Variants in RARRES1 observed in about 807,000 individuals in gnomAD.
The protein encoded by RARRES1 is retinoic acid receptor responder 1.
A neutral mutation model predicts 30.6 loss-of-function variants in RARRES1; 34 were observed. That is an observed-to-expected ratio of 1.11 (90% CI 0.84 to 1.48). The LOEUF (loss-of-function observed/expected upper bound fraction) is 1.48, where lower values mean the gene tolerates loss of function less well. Among genes scored for constraint, RARRES1 ranks in the 40% most tolerant of loss-of-function variants. The pLI, the probability that RARRES1 is intolerant of heterozygous loss-of-function variation, is 0.00. For missense variants in RARRES1, 373 were observed against 386.5 expected (o/e 0.97, Z 0.29); for synonymous variants, 153 against 155.5 (o/e 0.98, Z 0.12).
rs777051535 is a variant in RARRES1, at chr3:158,723,436, GTATAT to G, written c.276+8699_276+8703del. Reference sequence around the variant, plus strand: ...TATGTTCCAGATGGAGACAGCATCAGTATATTATATTATACCCTGGAATCATTTTA... The same window carrying G: ...TATGTTCCAGATGGAGACAGCATCAGTATATTATACCCTGGAATCATTTTA... On this transcript the variant is annotated intron_variant, in intron 1 of 5. Coordinates refer to ENST00000237696, the MANE Select transcript of RARRES1 (RefSeq NM_206963.2). The surrounding 1 kb of genome is among the most constrained non-coding windows in gnomAD (Gnocchi z 4.4). Among the ~76,000 whole-genome samples the G allele has an allele frequency of 7.2e-5, 11 of 152,212 alleles. No individual in the cohort carries two copies. The highest frequency in any genetic ancestry group is 1.3e-4 in the Non-Finnish European group (9 of 68,040).
chr3:158,713,725 A>T (rs539146507), intron 2 of RARRES1, 72 bp downstream of exon 2: 18 of 1,407,552 alleles, frequency 1.3e-5, no homozygotes, highest in Middle Eastern at 1.8e-4. Flanking sequence ...ATATATTAAG[A>T]TTCTCACTTT....
chr3:158,707,836 C>T (rs1311194911), intron 3 of RARRES1, among the ~76,000 whole-genome samples: 1 of 152,222 alleles, frequency 6.6e-6, no homozygotes, highest in Non-Finnish European at 1.5e-5. Flanking sequence ...CCTTATGTGA[C>T]ATGTATAAGT....
chr3:158,730,602 T>G (rs1727852088), intron 1 of RARRES1, among the ~76,000 whole-genome samples: 1 of 151,268 alleles, frequency 6.6e-6, no homozygotes, highest in Non-Finnish European at 1.5e-5. Context: ...TCGGCTAATT[T>G]TTTTTTAATT....
Position 158,697,766 on chromosome 3 carries a change from TACTTC to T in RARRES1, c.792_796del (p.Lys265ProfsTer15). Reference sequence around the variant, plus strand: ...TGGTGTCTGTAGCTCTTGACAGTGGTACTTCACTTTAAGAGGTTTGCCAGGGTACC... The same window carrying T: ...TGGTGTCTGTAGCTCTTGACAGTGGTACTTTAAGAGGTTTGCCAGGGTACC... On this transcript the variant is annotated frameshift_variant, in exon 6 of 6. Transcript: ENST00000237696. LOFTEE classifies it high-confidence loss of function. The T allele has an allele frequency of 6.2e-7, 1 of 1,610,424 alleles. No individual in the cohort carries two copies. Among genetic ancestry groups the T allele is most frequent in the Non-Finnish European group, 8.5e-7 (1 of 1,176,604 alleles).
chr3:158,710,098 A>G (rs1727061661), intron 3 of RARRES1, among the ~76,000 whole-genome samples: 1 of 152,270 alleles, frequency 6.6e-6, no homozygotes, highest in Non-Finnish European at 1.5e-5. Context: ...CCTGGACTCA[A>G]CCCTGAAAAC....
rs1193927365 is a variant in RARRES1, at chr3:158,732,375, C to G, written c.41G>C (p.Gly14Ala). 1 of 1,492,812 alleles carries G rather than the reference C, an allele frequency of 6.7e-7. No homozygotes were observed. Among genetic ancestry groups the G allele is most frequent in the African/African-American group, 1.5e-5 (1 of 68,474 alleles). The allele number at this position is 1,492,812 out of a possible 1,614,324, so 92.5% of individuals were successfully genotyped here. The change falls in exon 1 of 6, where the codon GGG becomes GCG. Residue 14 changes from glycine to alanine, a missense_variant. By Grantham distance (60) the Gly-to-Ala change is moderately conservative (BLOSUM62 0). Transcript: ENST00000237696. The stretch of plus-strand genomic sequence containing the variant: ...GGCGGTGGGGCGCGGGCCCCTGGGC[C>G]CGGACCAGGGAGCAGGCAGCCGTTG... ...RRQRLPAPWS[G>A]PRGPRPTAPL...
chr3:158,713,097 A>G (rs1303669485), intron 2 of RARRES1, among the ~76,000 whole-genome samples: 1 of 152,154 alleles, frequency 6.6e-6, no homozygotes, highest in Non-Finnish European at 1.5e-5. Flanking sequence ...ACCCTGGAAC[A>G]CTTTAATCCT....
intron 1 of RARRES1, among the ~76,000 whole-genome samples, chr3:158,730,586 A>G (rs1178686672): frequency 1.3e-5 from 2 of 151,526 alleles, no homozygotes; most frequent in East Asian, 3.9e-4. Context: ...GGCCCACGCC[A>G]CCACATCGGC....
intron 3 of RARRES1, among the ~76,000 whole-genome samples, chr3:158,708,904 G>A (rs1042737769): frequency 1.3e-5 from 2 of 152,090 alleles, no homozygotes; most frequent in African/African-American, 2.4e-5. Context: ...TGATCCGCCC[G>A]CCTCGGCCTC....
At chr3:158,730,919 G>T (rs991564622) in intron 1 of RARRES1, among the ~76,000 whole-genome samples, 3 of 152,180 alleles carry the variant, frequency 2.0e-5, no homozygotes, top group South Asian at 2.1e-4. Context: ...AAGTAGCTGG[G>T]ATTACAGGCA....
chr3:158,712,957 A>T (rs1727188655), intron 2 of RARRES1, among the ~76,000 whole-genome samples: 1 of 152,202 alleles, frequency 6.6e-6, no homozygotes, highest in African/African-American at 2.4e-5. Flanking sequence ...GGAAATTTTA[A>T]TTCATAGGTT....
intron 1 of RARRES1, among the ~76,000 whole-genome samples, chr3:158,720,993 A>G (rs1727496448): frequency 6.6e-6 from 1 of 152,204 alleles, no homozygotes; most frequent in Admixed American, 6.5e-5. Context: ...CCCGTAACAG[A>G]TGGAAGTAAA....
At chr3:158,724,332 A>G (rs1182026628) in intron 1 of RARRES1, among the ~76,000 whole-genome samples, 3 of 152,144 alleles carry the variant, frequency 2.0e-5, no homozygotes, top group Admixed American at 6.5e-5. Flanking sequence ...ATCTGTGACT[A>G]TGTTATTTTA....
chr3:158,698,677 CT>C (rs11448918), intron 4 of RARRES1, among the ~76,000 whole-genome samples: 58 of 147,454 alleles, frequency 3.9e-4, no homozygotes, highest in Middle Eastern at 3.4e-3. Context: ...CTGACATTTC[CT>C]TTTTTTTTTT....
At chr3:158,717,695 TGAG>T (rs1448426518) in intron 1 of RARRES1, among the ~76,000 whole-genome samples, 2 of 151,450 alleles carry the variant, frequency 1.3e-5, no homozygotes, top group African/African-American at 4.9e-5. Context: ...GATGCTGGAG[TGAG>T]GAGTTGTGCA....
intron 1 of RARRES1, 84 bp downstream of exon 1, chr3:158,732,056 G>C (rs1727907919): frequency 1.6e-6 from 2 of 1,212,442 alleles, no homozygotes; most frequent in Non-Finnish European, 2.1e-6. Flanking sequence ...CGTTGGGCCG[G>C]CAGGCGCGCG....
chr3:158,705,005 G>A (rs541483485), intron 3 of RARRES1, 78 bp from the exon 4 acceptor site: 177 of 1,534,370 alleles, frequency 1.2e-4, no homozygotes, highest in Non-Finnish European at 1.4e-4. Context: ...AATGAAATAG[G>A]GTTTAAACTT....
chr3:158,717,456 A>G (rs2108145435), intron 1 of RARRES1, among the ~76,000 whole-genome samples: 1 of 152,334 alleles, frequency 6.6e-6, no homozygotes, highest in Admixed American at 6.5e-5. Context: ...GAAGATGAAG[A>G]AGGAATTGGT....
intron 2 of RARRES1, 27 bp downstream of exon 2, chr3:158,713,770 G>A (rs763926186): frequency 6.3e-7 from 1 of 1,597,262 alleles, no homozygotes; most frequent in Non-Finnish European, 8.6e-7. Context: ...TTGCTAATAG[G>A]ATACTTTGCC....
Sources: allele counts gnomAD v4.1 joint callset (sites outside exome capture counted in the v4.1 genomes callset), GRCh38; gene constraint gnomAD v4.1.1; non-coding constraint Gnocchi (gnomAD v3.1); transcripts MANE v1.5; gene names NCBI Gene and HGNC (gene_info 2026-07-23, HGNC 2026-07-21).